The following DAAM1 variants were observed in gnomAD, a reference collection of about 807,000 sequenced individuals.
DAAM1 encodes disheveled-associated activator of morphogenesis 1.
In DAAM1, 52 loss-of-function variants were observed where a neutral mutation model predicts 130.0. The observed-to-expected ratio is 0.40, with a 90% CI of 0.32 to 0.50. The LOEUF is 0.50. DAAM1 is among the 20% of genes least tolerant of loss of function. DAAM1 has a pLI of 0.61. For missense variants in DAAM1, 1,134 were observed against 1,303.8 expected (o/e 0.87, Z 2.01); for synonymous variants, 452 against 444.5 (o/e 1.02, Z -0.21).
chr14:59,355,099 T>C (rs1472598494), intron 19 of DAAM1, 66 bp from the exon 20 acceptor site: 1 of 1,566,314 alleles, frequency 6.4e-7, no homozygotes, highest in Non-Finnish European at 8.7e-7. Context: ...TGGGTATCAC[T>C]GAAACATCTT....
chr14:59,271,049 AAAT>A (rs1882688239), intron 2 of DAAM1, among the ~76,000 whole-genome samples: 1 of 152,200 alleles, frequency 6.6e-6, no homozygotes, highest in Non-Finnish European at 1.5e-5. Context: ...GGCTAGTTGG[AAAT>A]AATATGCAGT....
chr14:59,340,047 G>C, intron 15 of DAAM1, 27 bp from the exon 16 acceptor site: 1 of 1,602,958 alleles, frequency 6.2e-7, no homozygotes, highest in Middle Eastern at 1.7e-4. Flanking sequence ...GTTGGACTTT[G>C]ATGGATTTCT....
At chr14:59,350,525 C>G (rs918092974) in intron 17 of DAAM1, among the ~76,000 whole-genome samples, 3 of 152,002 alleles carry the variant, frequency 2.0e-5, no homozygotes, top group African/African-American at 4.8e-5. Flanking sequence ...CCCCATCTAG[C>G]TACTGTCTTC....
chr14:59,305,721 T>C (rs1884354349), intron 3 of DAAM1, among the ~76,000 whole-genome samples: 2 of 152,138 alleles, frequency 1.3e-5, no homozygotes, highest in South Asian at 4.1e-4. Flanking sequence ...TGCGGTGATA[T>C]TGTTGCTCTT....
rs139286794 is a variant in DAAM1, at chr14:59,322,621, T to G, written c.441-271T>G. Among the ~76,000 whole-genome samples, 754 of 152,322 alleles carry G rather than the reference T, an allele frequency of 5.0e-3. 6 individuals are homozygous for G. The highest frequency in any genetic ancestry group is 0.017 in the African/African-American group (697 of 41,568). On this transcript the variant is annotated intron_variant, in intron 5 of 24. Coordinates refer to ENST00000360909, the MANE Select transcript of DAAM1 (RefSeq NM_001270520.2). ...TCCGAGTATTCTCTTGCTTCTAATT[T>G]TTTATGAATATATGATCTGTTGTTT...
At chr14:59,291,164 C>A in intron 2 of DAAM1, 53 bp from the exon 3 acceptor site, 1 of 1,433,484 alleles carries the variant, frequency 7.0e-7, no homozygotes, top group South Asian at 1.3e-5. Context: ...ATAACGTTCT[C>A]TACAGGAATA....
chr14:59,302,136 A>T (rs1408528138), intron 3 of DAAM1, among the ~76,000 whole-genome samples: 1 of 152,210 alleles, frequency 6.6e-6, no homozygotes, highest in African/African-American at 2.4e-5. Flanking sequence ...GAAAGAAGAA[A>T]ATCCAAAATT....
intron 17 of DAAM1, among the ~76,000 whole-genome samples, chr14:59,350,384 A>G (rs977676389): frequency 9.9e-5 from 15 of 152,110 alleles, no homozygotes; most frequent in African/African-American, 3.6e-4. Flanking sequence ...CAGCATCTGC[A>G]CACATATACC....
chr14:59,212,728 T>C (rs547944215), intron 1 of DAAM1, among the ~76,000 whole-genome samples: 24 of 152,328 alleles, frequency 1.6e-4, no homozygotes, highest in Admixed American at 3.9e-4. Flanking sequence ...GGTAGTAGAA[T>C]CTTTAAATTT....
intron 2 of DAAM1, among the ~76,000 whole-genome samples, chr14:59,271,326 A>G (rs1381382466): frequency 6.6e-6 from 1 of 152,166 alleles, no homozygotes; most frequent in African/African-American, 2.4e-5. Context: ...CCCAATGAGA[A>G]GGTAGTGATG....
chr14:59,368,884 A>G lies in DAAM1; in HGVS notation c.*25A>G. On this transcript the variant is annotated 3_prime_UTR_variant, in exon 25 of 25. Coordinates refer to ENST00000360909, the MANE Select transcript of DAAM1 (RefSeq NM_001270520.2). ...ATTTTCCATGAATACTTTTTTTTAGAAAGCTCATTAGCAGCCCTCTAAAGT... is the reference window on the plus strand; with the variant it reads ...ATTTTCCATGAATACTTTTTTTTAGGAAGCTCATTAGCAGCCCTCTAAAGT... 1.2e-6 allele frequency: 2 copies of G among 1,606,908 alleles called. No homozygotes were observed. The highest frequency in any genetic ancestry group is 1.3e-5 in the African/African-American group (1 of 74,712).
In DAAM1 at chr14:59,320,941, T is replaced by G. The variant is rs539668307; in HGVS notation, c.440+357T>G. ...GTTAAATATAGTGTTGCCATATGAC[T>G]CAATAATTCTGCTCCTCGGAATGTA... On this transcript the variant is annotated intron_variant, in intron 5 of 24. Coordinates refer to ENST00000360909, the MANE Select transcript of DAAM1 (RefSeq NM_001270520.2). 3.3e-5 allele frequency among the ~76,000 whole-genome samples: 5 copies of G among 152,284 alleles called. No homozygotes were observed. The East Asian group carries it at 7.7e-4, about 24-fold the overall frequency.
intron 1 of DAAM1, among the ~76,000 whole-genome samples, chr14:59,249,868 CT>C (rs573863691): frequency 1.3e-5 from 2 of 152,030 alleles, no homozygotes; most frequent in Admixed American, 6.5e-5. Flanking sequence ...CTTATATGCA[CT>C]TTTTTTTACA....
intron 2 of DAAM1, among the ~76,000 whole-genome samples, chr14:59,279,829 A>G (rs1471967145): frequency 6.6e-6 from 1 of 152,224 alleles, no homozygotes; most frequent in Non-Finnish European, 1.5e-5. Context: ...TATTCTTAAT[A>G]TATACCTCTG....
chr14:59,250,981 A>G (rs978245320), intron 1 of DAAM1, among the ~76,000 whole-genome samples: 3 of 152,130 alleles, frequency 2.0e-5, no homozygotes, highest in Non-Finnish European at 4.4e-5. Context: ...CTTTAGCACT[A>G]TTTCTCAAAC....
At chr14:59,264,118 C>T (rs1345340475) in intron 2 of DAAM1, 1 of 198,624 alleles carries the variant, frequency 5.0e-6, no homozygotes. Context: ...TGTCATTGAT[C>T]CTTTGGTGAA....
intron 22 of DAAM1, among the ~76,000 whole-genome samples, chr14:59,362,019 CTTTTTTTTTTTTTTT>C (rs1886723441): frequency 1.6e-5 from 2 of 121,726 alleles, no homozygotes; most frequent in Admixed American, 8.7e-5. Context: ...GGTTTTTTTC[CTTTTTTTTTTTTTTT>C]AATGTAGGGA....
At chr14:59,288,312 A>G (rs1465393571) in intron 2 of DAAM1, among the ~76,000 whole-genome samples, 3 of 152,220 alleles carry the variant, frequency 2.0e-5, no homozygotes, top group Non-Finnish European at 4.4e-5. Context: ...TAAAACAATG[A>G]AAACCCTAGA....
Position 59,263,344 on chromosome 14 carries a change from G to A in DAAM1, c.-37-97G>A, listed in dbSNP as rs575381272. Reference sequence around the variant, plus strand: ...TGCCCTGCAGGGCGCACACAGTGTCGTCAGCACACGGAGCTCTTTCTTGAG... The same window carrying A: ...TGCCCTGCAGGGCGCACACAGTGTCATCAGCACACGGAGCTCTTTCTTGAG... On this transcript the variant is annotated intron_variant, in intron 1 of 24. Transcript: ENST00000360909. 13 of 1,060,282 alleles carry A rather than the reference G, an allele frequency of 1.2e-5. No individual in the cohort carries two copies. The Middle Eastern group carries it at 6.4e-4, about 52-fold the overall frequency. 65.7% of individuals were successfully genotyped at this position (1,060,282 alleles called of 1,614,324 possible).
Sources: gnomAD v4.1 joint callset for allele counts (sites outside exome capture counted in the v4.1 genomes callset) on GRCh38, gnomAD v4.1.1 for gene constraint, MANE v1.5 for transcripts, NCBI Gene and HGNC (gene_info 2026-07-23, HGNC 2026-07-21) for gene names.